Variants in NDRG3 observed in about 807,000 individuals in gnomAD.
NDRG3 encodes protein NDRG3.
In NDRG3, 23 loss-of-function variants were observed where a neutral mutation model predicts 57.2. That is an observed-to-expected ratio of 0.40 (90% CI 0.29 to 0.57). The LOEUF is 0.57. Among genes scored for constraint, NDRG3 ranks in the 20% least tolerant of loss-of-function variants. The pLI is 0.42. For synonymous variants in NDRG3, 132 were observed against 162.6 expected, an observed-to-expected ratio of 0.81 and a Z score of 1.43; for missense variants, 384 against 457.3, an observed-to-expected ratio of 0.84 and a Z score of 1.46.
chr20:36,678,968 TGA>T (rs1228225138), intron 8 of NDRG3, among the ~76,000 whole-genome samples: 2 of 152,240 alleles, frequency 1.3e-5, no homozygotes, highest in Non-Finnish European at 2.9e-5. Context: ...TTGTTTTCTT[TGA>T]GAGAGAGTCT....
intron 1 of NDRG3, among the ~76,000 whole-genome samples, chr20:36,744,393 G>GT (rs771631879): frequency 7.6e-4 from 109 of 144,198 alleles, no homozygotes; most frequent in African/African-American, 3.0e-3. Context: ...GTAATGAAAA[G>GT]GGGGGGTGGA....
intron 9 of NDRG3, among the ~76,000 whole-genome samples, chr20:36,668,292 A>G (rs1979811106): frequency 6.6e-6 from 1 of 152,144 alleles, no homozygotes; most frequent in Non-Finnish European, 1.5e-5. Flanking sequence ...CACAAATTAT[A>G]GTCCTCTAGA....
intron 4 of NDRG3, 137 bp downstream of exon 4, chr20:36,688,542 C>T (rs1469396106): frequency 4.6e-6 from 3 of 656,434 alleles, no homozygotes; most frequent in Middle Eastern, 4.0e-4. Context: ...ATACCATTAA[C>T]GAATGTAGGA....
Position 36,652,852 on chromosome 20 carries a change from T to C in NDRG3, c.*668A>G, listed in dbSNP as rs1978334179. 1 of 152,244 alleles carries C rather than the reference T, an allele frequency of 6.6e-6. No homozygotes were observed. The highest frequency in any genetic ancestry group is 1.5e-5 in the Non-Finnish European group (1 of 68,040). The allele number at this position is 152,244 out of a possible 1,614,324, so 9.4% of individuals were successfully genotyped here. On this transcript the variant is annotated 3_prime_UTR_variant, in exon 16 of 16. Transcript: ENST00000349004. ...AGAATATATTCCTCCCTTTTATTTATAGAAGAGTATACAGAAATTCATTTG... is the reference window on the plus strand; with the variant it reads ...AGAATATATTCCTCCCTTTTATTTACAGAAGAGTATACAGAAATTCATTTG...
intron 8 of NDRG3, among the ~76,000 whole-genome samples, chr20:36,673,754 C>A (rs1286951205): frequency 2.0e-5 from 3 of 152,092 alleles, no homozygotes; most frequent in African/African-American, 7.2e-5. Flanking sequence ...TAAATAATGT[C>A]TCTGTAGGAT....
Position 36,695,209 on chromosome 20 carries a change from T to C in NDRG3, c.94-6425A>G, listed in dbSNP as rs11905194. 7.0e-3 allele frequency among the ~76,000 whole-genome samples: 1,064 copies of C among 152,340 alleles called. 13 individuals carry two copies. The highest frequency in any genetic ancestry group is 0.024 in the African/African-American group (1,000 of 41,570). ...TGTCCTTACTTTAATCTCTTAATGC[T>C]GTCATCTTCGTAAGCTGAGGATGTA... On this transcript the variant is annotated intron_variant, in intron 3 of 15. Transcript: ENST00000349004.
chr20:36,678,629 A>G (rs1330940748), intron 8 of NDRG3, among the ~76,000 whole-genome samples: 1 of 152,186 alleles, frequency 6.6e-6, no homozygotes, highest in Non-Finnish European at 1.5e-5. Context: ...GCAGTGAGCC[A>G]AGATCATGCC....
At chr20:36,716,520 G>A (rs907515341) in intron 2 of NDRG3, among the ~76,000 whole-genome samples, 39 of 137,168 alleles carry the variant, frequency 2.8e-4, no homozygotes, top group Admixed American at 1.2e-3. Context: ...GCAACAGAGC[G>A]AGACTCCATC....
intron 1 of NDRG3, among the ~76,000 whole-genome samples, chr20:36,733,174 ATATATATATATATAT>A (rs1985420117): frequency 2.8e-5 from 1 of 36,278 alleles, no homozygotes; most frequent in African/African-American, 1.4e-4. Context: ...AAAAAAAAAT[ATATATATATATATAT>A]ATATATATAT....
In NDRG3 at chr20:36,688,735, C is replaced by T. The variant is rs1982003159; in HGVS notation, c.143G>A (p.Gly48Asp). 3.1e-6 allele frequency: 5 copies of T among 1,613,878 alleles called. 1 individual carries two copies. The highest frequency in any genetic ancestry group is 2.2e-5 in the East Asian group (1 of 44,902). Residue 48 changes from glycine to aspartate, a missense_variant, in exon 4 of 16, where the codon GGC becomes GAC. Gly to Asp is a moderately conservative substitution (Grantham distance 94). Coordinates refer to ENST00000349004, the MANE Select transcript of NDRG3 (RefSeq NM_032013.4). ...AACTGGTCTGTTTCCTTTGGGTAAG[C>T]CTCTTATAGTGACGTGGACCACACC... is the stretch of plus-strand genomic sequence containing the variant. ...THGVVHVTIR[G>D]LPKGNRPVIL...
chr20:36,744,819 C>A (rs1986102745), intron 1 of NDRG3, among the ~76,000 whole-genome samples: 1 of 152,190 alleles, frequency 6.6e-6, no homozygotes, highest in South Asian at 2.1e-4. Context: ...GGCAGAAAGC[C>A]TCGGACAGAA....
chr20:36,746,082 G>GCA lies in NDRG3; in HGVS notation c.-87_-86insTG, dbSNP rs1568681668. 7.6e-4 allele frequency: 15 copies of GCA among 19,738 alleles called. No homozygotes were observed. The highest frequency in any genetic ancestry group is 0.01 in the South Asian group (1 of 100). The allele number at this position is 19,738 out of a possible 1,614,324, so 1.2% of individuals were successfully genotyped here. ...CACCCGCCGTCAGTGCAGCAGCAGCGGCGGCGGCGGCGGCGGCGGCGGCGG... is the reference window on the plus strand; with the variant it reads ...CACCCGCCGTCAGTGCAGCAGCAGCGCAGCGGCGGCGGCGGCGGCGGCGGCGG... On this transcript the variant is annotated 5_prime_UTR_variant, in exon 1 of 16. Transcript: ENST00000349004.
chr20:36,660,385 C>A lies in NDRG3; in HGVS notation c.811-1G>T. 6.2e-7 allele frequency: 1 copy of A among 1,603,974 alleles called. No homozygotes were observed. Among genetic ancestry groups the A allele is most frequent in the Non-Finnish European group, 8.5e-7 (1 of 1,174,086 alleles). ...GGTTCAGGCGGGAATTGCATTCGAC[C>A]TAAAATTTAAAAAAAGAGAAGAAAA... On this transcript the variant is annotated splice_acceptor_variant, in intron 12 of 15. Transcript: ENST00000349004. LOFTEE classifies it high-confidence loss of function.
intron 2 of NDRG3, among the ~76,000 whole-genome samples, chr20:36,711,732 C>A (rs546813629): frequency 1.3e-5 from 2 of 152,298 alleles, no homozygotes; most frequent in South Asian, 4.1e-4. Context: ...AGCTATACTC[C>A]CAGATAAAAG....
chr20:36,676,906 C>T (rs1037394306), intron 8 of NDRG3, among the ~76,000 whole-genome samples: 30 of 152,258 alleles, frequency 2.0e-4, no homozygotes, highest in African/African-American at 7.2e-4. Flanking sequence ...AGCCGCAGAC[C>T]CAGGCCTCCT....
intron 1 of NDRG3, among the ~76,000 whole-genome samples, chr20:36,739,576 G>C (rs978560502): frequency 6.6e-6 from 1 of 151,990 alleles, no homozygotes; most frequent in African/African-American, 2.4e-5. Flanking sequence ...GGGAGCCTGA[G>C]GTGGGCGGAT....
chr20:36,680,922 C>T lies in NDRG3; in HGVS notation c.445-20G>A, dbSNP rs967634493. ...GTTGAGCTGAAAGATGAGGCAAAGA[C>T]AATAGTATGAAAGCTACACTCCCAC... On this transcript the variant is annotated intron_variant, in intron 7 of 15. Coordinates refer to ENST00000349004, the MANE Select transcript of NDRG3 (RefSeq NM_032013.4). 8 of 1,604,070 alleles carry T rather than the reference C, an allele frequency of 5.0e-6. No homozygotes were observed. The Admixed American group carries it at 5.0e-5, about 10-fold the overall frequency.
intron 8 of NDRG3, among the ~76,000 whole-genome samples, chr20:36,674,216 T>C (rs1329157514): frequency 6.6e-6 from 1 of 152,148 alleles, no homozygotes; most frequent in Non-Finnish European, 1.5e-5. Flanking sequence ...TTTTTCTTTT[T>C]TGAGATGGAG....
intron 13 of NDRG3, among the ~76,000 whole-genome samples, chr20:36,658,629 T>C (rs561957078): frequency 2.0e-5 from 3 of 152,314 alleles, no homozygotes; most frequent in South Asian, 2.1e-4. Context: ...ACGATCGGCA[T>C]TGAAATCTAC....
Sources: gnomAD v4.1 joint callset for allele counts (sites outside exome capture counted in the v4.1 genomes callset) on GRCh38, gnomAD v4.1.1 for gene constraint, MANE v1.5 for transcripts, NCBI Gene and HGNC (gene_info 2026-07-23, HGNC 2026-07-21) for gene names.